Variants in SHPRH observed in about 807,000 individuals in gnomAD.
SHPRH encodes the protein SNF2 histone linker PHD RING helicase, also known as E3 ubiquitin-protein ligase SHPRH.
Under a neutral mutation model 202.5 loss-of-function variants are expected in SHPRH, and 106 were observed. The ratio of observed to expected loss-of-function variants is 0.52; its 90% CI spans 0.45 to 0.62. The LOEUF (loss-of-function observed/expected upper bound fraction) is 0.62, where lower values mean the gene tolerates loss of function less well. SHPRH is among the 20% of genes least tolerant of loss of function. SHPRH has a pLI of 0.00. For missense variants in SHPRH, 1,710 were observed against 2,020.0 expected (o/e 0.85, Z 2.94); for synonymous variants, 729 against 686.0 (o/e 1.06, Z -0.98).
intron 25 of SHPRH, among the ~76,000 whole-genome samples, chr6:145,900,173 A>G (rs538634356): frequency 1.8e-4 from 28 of 152,304 alleles, no homozygotes; most frequent in African/African-American, 6.3e-4. Context: ...GGGGAAATTA[A>G]ATCAGCATGT....
intron 18 of SHPRH, 102 bp from the exon 19 acceptor site, chr6:145,922,938 G>T: frequency 2.0e-5 from 23 of 1,162,360 alleles, no homozygotes; most frequent in South Asian, 8.4e-5. Context: ...TAAAGAAACT[G>T]TTTGCTGTTT....
chr6:145,887,386 T>C (rs900395615), intron 29 of SHPRH, among the ~76,000 whole-genome samples: 7 of 152,144 alleles, frequency 4.6e-5, no homozygotes, highest in Non-Finnish European at 1.0e-4. Context: ...GAAAGATTTA[T>C]GTTTTCAAAA....
chr6:145,928,690 TCA>T (rs1785127125), intron 14 of SHPRH, among the ~76,000 whole-genome samples: 1 of 151,960 alleles, frequency 6.6e-6, no homozygotes, highest in African/African-American at 2.4e-5. Context: ...TTATGTATAT[TCA>T]GTGTTGTGCA....
At chr6:145,865,012 G>C (rs1026961332) in intron 2 of SHPRH, among the ~76,000 whole-genome samples, 2 of 151,160 alleles carry the variant, frequency 1.3e-5, no homozygotes, top group Non-Finnish European at 2.9e-5. Flanking sequence ...TTTATTTCTA[G>C]TATGGAACAT....
intron 2 of SHPRH, among the ~76,000 whole-genome samples, chr6:145,867,631 T>TAGAGAGAGAGAGAGAGAGAGAG (rs748613165): frequency 4.5e-5 from 1 of 22,318 alleles, no homozygotes; most frequent in African/African-American, 2.2e-4. Flanking sequence ...TATATATATA[T>TAGAGAGAGAGAGAGAGAGAGAG]AGAGAGAGAG....
chr6:145,892,319 T>C (rs190829148), intron 28 of SHPRH, among the ~76,000 whole-genome samples: 1 of 152,302 alleles, frequency 6.6e-6, no homozygotes, highest in African/African-American at 2.4e-5. Context: ...CCATAAAGTC[T>C]TTCCTGACTC....
At chr6:145,884,069 T>C (rs1780787884), downstream of SHPRH, 1 of 152,212 alleles carries the variant, frequency 6.6e-6, no homozygotes, top group Admixed American at 6.5e-5. Flanking sequence ...TTTATCCACC[T>C]GACAGGATAG....
At chr6:145,887,485 CTTTTG>C (rs1215532242) in intron 29 of SHPRH, among the ~76,000 whole-genome samples, 1 of 149,132 alleles carries the variant, frequency 6.7e-6, no homozygotes, top group Non-Finnish European at 1.5e-5. Context: ...AGTCTCTCTG[CTTTTG>C]TTTTGTCTTT....
chr6:145,920,223 C>A (rs1784324687), intron 21 of SHPRH, among the ~76,000 whole-genome samples: 2 of 152,048 alleles, frequency 1.3e-5, no homozygotes, highest in African/African-American at 4.8e-5. Flanking sequence ...CAAAGTTATG[C>A]AGAAAATATG....
downstream of SHPRH, chr6:145,884,511 C>G (rs550453560): frequency 6.6e-6 from 1 of 152,206 alleles, no homozygotes; most frequent in African/African-American, 2.4e-5. Context: ...CTCATTGGTT[C>G]ATTAGCATAG....
intron 25 of SHPRH, chr6:145,907,801 A>G (rs1333800286): frequency 7.1e-6 from 1 of 141,266 alleles, no homozygotes; most frequent in Non-Finnish European, 1.5e-5. Flanking sequence ...AAAACAAAAC[A>G]AAACAAAACA....
At chr6:145,946,737 A>G (rs6924159) in intron 6 of SHPRH, among the ~76,000 whole-genome samples, 96,219 of 150,738 alleles carry the variant, frequency 0.64, 31,014 homozygotes, top group African/African-American at 0.73. Flanking sequence ...TGTCTACAAA[A>G]AAAACATTTT....
downstream of SHPRH, among the ~76,000 whole-genome samples, chr6:145,882,411 G>A (rs115573072): frequency 0.016 from 2,422 of 152,200 alleles, 69 homozygotes; most frequent in African/African-American, 0.055. Flanking sequence ...TTATAATTAC[G>A]GACTTGAGAA....
intron 25 of SHPRH, among the ~76,000 whole-genome samples, chr6:145,900,359 T>C (rs949253643): frequency 9.2e-5 from 14 of 152,146 alleles, no homozygotes; most frequent in African/African-American, 2.9e-4. Context: ...ATAACATCTA[T>C]GTACCTGAAA....
At chr6:145,901,918 C>T (rs1271911414) in intron 25 of SHPRH, among the ~76,000 whole-genome samples, 2 of 152,014 alleles carry the variant, frequency 1.3e-5, no homozygotes, top group East Asian at 3.9e-4. Context: ...AACGACACAG[C>T]TTCTGTCCTT....
chr6:145,945,901 A>G (rs1036881689), intron 7 of SHPRH, among the ~76,000 whole-genome samples: 2 of 152,094 alleles, frequency 1.3e-5, no homozygotes, highest in Non-Finnish European at 2.9e-5. Context: ...CAAAATTATA[A>G]AAGAAAACTC....
rs552976483 is a variant in SHPRH at position 145,955,445 on chromosome 6, C to A, written c.-32-91G>T. The A allele has an allele frequency of 3.2e-6, 4 of 1,237,684 alleles. No homozygotes were observed. The East Asian group carries it at 7.1e-5, about 22-fold the overall frequency. 76.7% of individuals were successfully genotyped at this position (1,237,684 alleles called of 1,614,324 possible). Reference sequence around the variant, plus strand: ...TGAGAAATTCAGCATAAATTCATAGCCCATAAACATAATATGAAATCTTCT... The same window carrying A: ...TGAGAAATTCAGCATAAATTCATAGACCATAAACATAATATGAAATCTTCT... On this transcript the variant is annotated intron_variant, in intron 1 of 29. Coordinates refer to ENST00000275233, the MANE Select transcript of SHPRH (RefSeq NM_001042683.3).
At chr6:145,921,680 T>A (rs916386867) in intron 20 of SHPRH, among the ~76,000 whole-genome samples, 6 of 151,938 alleles carry the variant, frequency 3.9e-5, no homozygotes, top group Non-Finnish European at 8.8e-5. Context: ...GTGAGGAAAA[T>A]TTCTATTTTA....
chr6:145,890,448 G>T (rs965083087), intron 28 of SHPRH, among the ~76,000 whole-genome samples: 1 of 152,086 alleles, frequency 6.6e-6, no homozygotes, highest in Non-Finnish European at 1.5e-5. Flanking sequence ...CATAGCACTT[G>T]AAACAGGTGA....
Sources: gnomAD v4.1 joint callset for allele counts (sites outside exome capture counted in the v4.1 genomes callset) on GRCh38, gnomAD v4.1.1 for gene constraint, MANE v1.5 for transcripts, NCBI Gene and HGNC (gene_info 2026-07-23, HGNC 2026-07-21) for gene names.